NUP35: variants seen among roughly 807,000 people sequenced by gnomAD.
NUP35 encodes the protein nucleoporin NUP35.
NUP35 carries 25 observed loss-of-function variants against 41.5 expected under a neutral mutation model. The ratio of observed to expected loss-of-function variants is 0.60; its 90% CI spans 0.44 to 0.84. The LOEUF is 0.84. Among genes scored for constraint, NUP35 ranks in the 40% least tolerant of loss-of-function variants. The pLI, the probability that NUP35 is intolerant of heterozygous loss-of-function variation, is 0.00. For synonymous variants in NUP35, 149 were observed against 130.7 expected (o/e 1.14, Z -0.96); for missense variants, 396 against 396.6 (o/e 1.00, Z 0.01).
At chr2:183,127,052 A>G (rs1402715600) in intron 1 of NUP35, among the ~76,000 whole-genome samples, 2 of 152,180 alleles carry the variant, frequency 1.3e-5, no homozygotes, top group African/African-American at 4.8e-5. Context: ...AGCTATGCTT[A>G]TTCCCTTTTA....
At chr2:183,151,985 A>G (rs1183291795) in intron 5 of NUP35, among the ~76,000 whole-genome samples, 1 of 152,042 alleles carries the variant, frequency 6.6e-6, no homozygotes, top group Admixed American at 6.6e-5. Flanking sequence ...TCTCTCAAGC[A>G]TATTTACTAG....
At chr2:183,142,884 C>G (rs1489007923) in intron 4 of NUP35, among the ~76,000 whole-genome samples, 1 of 151,198 alleles carries the variant, frequency 6.6e-6, no homozygotes, top group Non-Finnish European at 1.5e-5. Flanking sequence ...CAGCTGGGCA[C>G]GGTGGCTCAC....
chr2:183,136,608 T>C (rs1406288038), intron 4 of NUP35, among the ~76,000 whole-genome samples: 1 of 152,192 alleles, frequency 6.6e-6, no homozygotes, highest in African/African-American at 2.4e-5. Context: ...TAACTTTACT[T>C]TTCTGCCTTC....
intron 4 of NUP35, among the ~76,000 whole-genome samples, chr2:183,150,334 A>T (rs529872909): frequency 4.1e-4 from 63 of 152,240 alleles, no homozygotes; most frequent in African/African-American, 1.5e-3. Context: ...TTTCTTCATG[A>T]TCCGGCATAT....
chr2:183,123,681 T>G (rs1359604952), upstream of NUP35: 12 of 527,648 alleles, frequency 2.3e-5, no homozygotes, highest in Admixed American at 1.9e-4. Flanking sequence ...CTAAACAATA[T>G]ATTTTTACAC....
intron 2 of NUP35, among the ~76,000 whole-genome samples, chr2:183,128,876 A>G (rs1049200166): frequency 6.6e-6 from 1 of 152,222 alleles, no homozygotes; most frequent in Non-Finnish European, 1.5e-5. Context: ...TTCTAGAGCC[A>G]CTAAAATGTA....
At chr2:183,154,997 C>G (rs1358062511) in intron 5 of NUP35, among the ~76,000 whole-genome samples, 1 of 151,740 alleles carries the variant, frequency 6.6e-6, no homozygotes, top group African/African-American at 2.4e-5. Flanking sequence ...ATAAACGCGT[C>G]AGATCTTGTG....
At chr2:183,153,732 A>G (rs909117205) in intron 5 of NUP35, among the ~76,000 whole-genome samples, 5 of 152,118 alleles carry the variant, frequency 3.3e-5, no homozygotes, top group African/African-American at 1.2e-4. Context: ...CACAGAGTGC[A>G]AGCTGTCAGT....
intron 4 of NUP35, among the ~76,000 whole-genome samples, chr2:183,150,887 C>T (rs1038232512): frequency 2.6e-5 from 4 of 152,130 alleles, no homozygotes; most frequent in African/African-American, 4.8e-5. Flanking sequence ...GACATTGCTT[C>T]TGATATAAAA....
At chr2:183,150,719 G>T (rs1046941022) in intron 4 of NUP35, among the ~76,000 whole-genome samples, 1 of 151,814 alleles carries the variant, frequency 6.6e-6, no homozygotes, top group Admixed American at 6.6e-5. Flanking sequence ...GTTTTTATTT[G>T]TCTAATGTGT....
At chr2:183,157,334 A>G (rs376487574) in intron 5 of NUP35, 110 bp from the exon 6 acceptor site, 2 of 820,050 alleles carry the variant, frequency 2.4e-6, no homozygotes, top group East Asian at 2.5e-5. Flanking sequence ...CTCTCCTGTT[A>G]ACGTTCTAGA....
chr2:183,136,806 T>C (rs1456176803), intron 4 of NUP35, among the ~76,000 whole-genome samples: 1 of 152,160 alleles, frequency 6.6e-6, no homozygotes, highest in East Asian at 1.9e-4. Context: ...GAGGCCTCTT[T>C]AGGCTGGGCG....
rs544884902 is a variant in NUP35, at chr2:183,125,497, A to G, written c.40+1000A>G. The stretch of plus-strand genomic sequence containing the variant: ...TTTGGTGTAAAATAAGTTCTTTTTG[A>G]GAATAGAGTAACTTGAACTACTTTA... On this transcript the variant is annotated intron_variant, in intron 1 of 8. Coordinates refer to ENST00000295119, the MANE Select transcript of NUP35 (RefSeq NM_138285.5). 5.3e-4 allele frequency among the ~76,000 whole-genome samples: 80 copies of G among 152,356 alleles called. 1 individual carries two copies. In the South Asian group the frequency reaches 9.5e-3, roughly 18 times the overall value.
chr2:183,131,516 T>G (rs1684695094), intron 3 of NUP35, among the ~76,000 whole-genome samples: 1 of 152,238 alleles, frequency 6.6e-6, no homozygotes, highest in Non-Finnish European at 1.5e-5. Context: ...ATACTAGGCT[T>G]ACTTGTCAAG....
intron 4 of NUP35, among the ~76,000 whole-genome samples, chr2:183,139,659 A>C (rs1490199906): frequency 6.6e-6 from 1 of 152,214 alleles, no homozygotes; most frequent in Non-Finnish European, 1.5e-5. Flanking sequence ...GAAGAGGAAG[A>C]GAAACATATA....
chr2:183,142,055 C>T (rs1685113330), intron 4 of NUP35, among the ~76,000 whole-genome samples: 1 of 152,190 alleles, frequency 6.6e-6, no homozygotes. Flanking sequence ...AGGCATCATT[C>T]CATTGTCTTC....
At chr2:183,130,942 A>G (rs1684676768) in intron 3 of NUP35, 2 of 1,155,216 alleles carry the variant, frequency 1.7e-6, no homozygotes, top group Non-Finnish European at 2.2e-6. Flanking sequence ...GATCTAGGGC[A>G]CTCGTCAGCT....
chr2:183,126,127 C>G (rs6754938), intron 1 of NUP35, among the ~76,000 whole-genome samples: 24,047 of 152,130 alleles, frequency 0.16, 2,248 homozygotes, highest in African/African-American at 0.25. Context: ...ACCTCCCCCT[C>G]CGGGCTCAAG....
intron 4 of NUP35, among the ~76,000 whole-genome samples, chr2:183,146,394 A>G (rs1256893981): frequency 6.6e-6 from 1 of 152,182 alleles, no homozygotes; most frequent in Non-Finnish European, 1.5e-5. Context: ...ATCACCTCAC[A>G]TCTATTAAGC....
Sources: allele counts gnomAD v4.1 joint callset (sites outside exome capture counted in the v4.1 genomes callset), GRCh38; gene constraint gnomAD v4.1.1; transcripts MANE v1.5; gene names NCBI Gene and HGNC (gene_info 2026-07-23, HGNC 2026-07-21).